Variants in CDK5RAP2 observed in about 807,000 individuals in gnomAD.
CDK5RAP2 encodes the protein CDK5 regulatory subunit associated protein 2.
In CDK5RAP2, 147 loss-of-function variants were observed where a neutral mutation model predicts 232.9. The observed-to-expected ratio is 0.63, with a 90% CI of 0.55 to 0.72. The LOEUF (loss-of-function observed/expected upper bound fraction) is 0.72, where lower values mean the gene tolerates loss of function less well. Ranked by LOEUF, CDK5RAP2 falls within the 30% of genes least tolerant of loss-of-function variation. The pLI is 0.00. For synonymous variants in CDK5RAP2, 833 were observed against 833.7 expected, an observed-to-expected ratio of 1.00 and a Z score of 0.01; for missense variants, 2,195 against 2,231.5, an observed-to-expected ratio of 0.98 and a Z score of 0.33.
chr9:120,534,311 C>T (rs2041292414), intron 7 of CDK5RAP2, among the ~76,000 whole-genome samples: 1 of 152,162 alleles, frequency 6.6e-6, no homozygotes, highest in African/African-American at 2.4e-5. Flanking sequence ...CGCACTGTTC[C>T]TTTACTTTCC....
At chr9:120,494,195 T>G (rs73660263) in intron 12 of CDK5RAP2, among the ~76,000 whole-genome samples, 2 of 132,116 alleles carry the variant, frequency 1.5e-5, no homozygotes, top group Non-Finnish European at 2.9e-5. Flanking sequence ...CATAGAAATA[T>G]AAATATACAT....
intron 11 of CDK5RAP2, among the ~76,000 whole-genome samples, chr9:120,521,546 T>G (rs1320912647): frequency 1.3e-5 from 2 of 152,134 alleles, no homozygotes; most frequent in East Asian, 3.8e-4. Flanking sequence ...CTCTTGCCTG[T>G]GTCATGTAAC....
intron 28 of CDK5RAP2, among the ~76,000 whole-genome samples, chr9:120,414,632 T>C (rs2034094715): frequency 6.6e-6 from 1 of 152,216 alleles, no homozygotes; most frequent in Non-Finnish European, 1.5e-5. Flanking sequence ...ATGTCTTACC[T>C]ATGCCAGCGG....
chr9:120,492,447 G>A lies in CDK5RAP2; in HGVS notation c.1312-970C>T, dbSNP rs75126739. Reference sequence around the variant, plus strand: ...CCTATAAGGTATAAGAGAGAACAAGGTAGAAGGGACAAAGATAGAAACTAA... The same window carrying A: ...CCTATAAGGTATAAGAGAGAACAAGATAGAAGGGACAAAGATAGAAACTAA... On this transcript the variant is annotated intron_variant, in intron 12 of 37. Transcript: ENST00000349780. Among the ~76,000 whole-genome samples the A allele has an allele frequency of 3.0e-3, 460 of 152,262 alleles. 1 individual carries two copies. The highest frequency in any genetic ancestry group is 0.01 in the African/African-American group (420 of 41,546).
At chr9:120,429,349 T>C (rs545918713) in intron 25 of CDK5RAP2, among the ~76,000 whole-genome samples, 3,825 of 152,048 alleles carry the variant, frequency 0.025, 162 homozygotes, top group African/African-American at 0.087. Flanking sequence ...TGATTGTATA[T>C]CTAGAAAACC....
At chr9:120,432,310 T>C (rs545413109) in intron 25 of CDK5RAP2, among the ~76,000 whole-genome samples, 138 of 152,326 alleles carry the variant, frequency 9.1e-4, no homozygotes, top group Admixed American at 1.5e-3. Context: ...AATACACATA[T>C]GAATAAAAAA....
At chr9:120,528,832 C>G in intron 8 of CDK5RAP2, 35 bp from the exon 9 acceptor site, 1 of 1,474,188 alleles carries the variant, frequency 6.8e-7, no homozygotes, top group Non-Finnish European at 9.5e-7. Flanking sequence ...GAAGAAGGGA[C>G]GTGCAATCCA....
intron 2 of CDK5RAP2, 115 bp from the exon 3 acceptor site, chr9:120,568,503 G>A: frequency 1.3e-6 from 1 of 786,556 alleles, no homozygotes; most frequent in Non-Finnish European, 2.3e-6. Flanking sequence ...AGTACACGCG[G>A]CTGGTACTTG....
intron 27 of CDK5RAP2, among the ~76,000 whole-genome samples, chr9:120,416,642 C>T (rs185841844): frequency 3.9e-4 from 60 of 152,266 alleles, no homozygotes; most frequent in African/African-American, 1.4e-3. Flanking sequence ...CAGCCTCTGC[C>T]ACATCTCACT....
intron 18 of CDK5RAP2, among the ~76,000 whole-genome samples, chr9:120,465,608 A>G (rs920884192): frequency 2.0e-5 from 3 of 152,034 alleles, no homozygotes; most frequent in Admixed American, 6.5e-5. Flanking sequence ...GGGGAGGGGG[A>G]AAATAAATAA....
intron 3 of CDK5RAP2, among the ~76,000 whole-genome samples, chr9:120,563,970 A>C (rs1210850356): frequency 1.3e-5 from 2 of 152,222 alleles, no homozygotes; most frequent in Non-Finnish European, 2.9e-5. Context: ...GATAAGAACA[A>C]CAAAAGATAA....
At chr9:120,446,683 C>A (rs2131367404) in intron 22 of CDK5RAP2, among the ~76,000 whole-genome samples, 1 of 152,278 alleles carries the variant, frequency 6.6e-6, no homozygotes, top group East Asian at 1.9e-4. Context: ...ATACAACTCT[C>A]CCTCTTCCTC....
chr9:120,536,651 G>A, intron 6 of CDK5RAP2, 125 bp from the exon 7 acceptor site: 1 of 921,190 alleles, frequency 1.1e-6, no homozygotes, highest in Non-Finnish European at 1.7e-6. Flanking sequence ...TCCCTGAATT[G>A]TACTATACAT....
chr9:120,488,289 A>C (rs2038717305), intron 13 of CDK5RAP2, among the ~76,000 whole-genome samples: 1 of 152,222 alleles, frequency 6.6e-6, no homozygotes, highest in African/African-American at 2.4e-5. Context: ...TCTTTATAAA[A>C]ACCCATTGAA....
At chr9:120,508,139 C>T (rs1376519804) in intron 12 of CDK5RAP2, among the ~76,000 whole-genome samples, 1 of 151,744 alleles carries the variant, frequency 6.6e-6, no homozygotes, top group African/African-American at 2.4e-5. Flanking sequence ...GGTTTCACTG[C>T]GAGAAAGCTT....
chr9:120,463,463 C>A (rs1365114936), intron 18 of CDK5RAP2, among the ~76,000 whole-genome samples: 1 of 152,156 alleles, frequency 6.6e-6, no homozygotes, highest in African/African-American at 2.4e-5. Context: ...CAAGCTTCTG[C>A]AAGGGGTCTA....
rs2040985998 is a variant in CDK5RAP2 at position 120,528,067 on chromosome 9, G to A, written c.880-142C>T. On this transcript the variant is annotated intron_variant, in intron 9 of 37. Coordinates refer to ENST00000349780, the MANE Select transcript of CDK5RAP2 (RefSeq NM_018249.6). Reference sequence around the variant, plus strand: ...GTGATTAATGTTTCCAAGTGGAGCTGAACATAGTGCCATCAGCTCCAAGTT... The same window carrying A: ...GTGATTAATGTTTCCAAGTGGAGCTAAACATAGTGCCATCAGCTCCAAGTT... 8.4e-6 allele frequency: 10 copies of A among 1,189,812 alleles called. 1 individual carries two copies. Among genetic ancestry groups the A allele is most frequent in the Non-Finnish European group, 9.7e-6 (8 of 823,390 alleles). 73.7% of individuals were successfully genotyped at this position (1,189,812 alleles called of 1,614,324 possible).
intron 23 of CDK5RAP2, 69 bp from the exon 24 acceptor site, chr9:120,440,041 G>GC: frequency 7.0e-7 from 1 of 1,420,532 alleles, no homozygotes; most frequent in Admixed American, 1.8e-5. Context: ...CTTCCTCACA[G>GC]CCCTAGCCAA....
In CDK5RAP2 at chr9:120,402,935, A is replaced by G. The variant is rs1484569512; in HGVS notation, c.5178T>C (p.His1726=). 2 of 1,614,188 alleles carry G rather than the reference A, an allele frequency of 1.2e-6. No individual in the cohort carries two copies. Among genetic ancestry groups the G allele is most frequent in the Non-Finnish European group, 1.7e-6 (2 of 1,180,040 alleles). Residue 1726 remains histidine, a synonymous_variant, in exon 34 of 38, where the codon CAT becomes CAC. Transcript: ENST00000349780. ...HHLWASKNGR[H]VLGLIEDYEA... is the part of the protein sequence containing the mutation. ...CATAGTCCTCAATCAGGCCCAGGACATGGCGGCCATTCTTGCTGGCCCACA... is the reference window on the plus strand; with the variant it reads ...CATAGTCCTCAATCAGGCCCAGGACGTGGCGGCCATTCTTGCTGGCCCACA...
Sources: gnomAD v4.1 joint callset for allele counts (sites outside exome capture counted in the v4.1 genomes callset) on GRCh38, gnomAD v4.1.1 for gene constraint, MANE v1.5 for transcripts, NCBI Gene and HGNC (gene_info 2026-07-23, HGNC 2026-07-21) for gene names.